The following COG5 variants were observed in gnomAD, a reference collection of about 807,000 sequenced individuals.
COG5 encodes component of oligomeric golgi complex 5.
COG5 carries 86 observed loss-of-function variants against 110.4 expected under a neutral mutation model. The ratio of observed to expected loss-of-function variants is 0.78; its 90% CI spans 0.65 to 0.93. The LOEUF (loss-of-function observed/expected upper bound fraction) is 0.93. Among genes scored for constraint, COG5 ranks in the 40% least tolerant of loss-of-function variants. The pLI is 0.00. For synonymous variants in COG5, 360 were observed against 334.6 expected (o/e 1.08, Z -0.83); for missense variants, 1,077 against 987.0 (o/e 1.09, Z -1.22).
chr7:107,329,755 G>A (rs1199155768), intron 10 of COG5, among the ~76,000 whole-genome samples: 4 of 152,030 alleles, frequency 2.6e-5, no homozygotes, highest in African/African-American at 9.7e-5. Context: ...AATTAGCTGA[G>A]TGTGGGAGCA....
At chr7:107,411,192 G>A (rs1792266517) in intron 7 of COG5, among the ~76,000 whole-genome samples, 1 of 152,166 alleles carries the variant, frequency 6.6e-6, no homozygotes, top group South Asian at 2.1e-4. Context: ...AGGATGGAGG[G>A]CTACAGAGTC....
At chr7:107,413,093 T>C (rs76549108) in intron 6 of COG5, among the ~76,000 whole-genome samples, 1 of 151,934 alleles carries the variant, frequency 6.6e-6, no homozygotes, top group African/African-American at 2.4e-5. Context: ...TATAGTTCAC[T>C]ATAGTCTCGA....
chr7:107,326,769 TA>T (rs1437683541), intron 10 of COG5, among the ~76,000 whole-genome samples: 3 of 151,964 alleles, frequency 2.0e-5, no homozygotes, highest in African/African-American at 7.3e-5. Context: ...TTTGCAGAAA[TA>T]AAAAAATACT....
chr7:107,510,663 G>T (rs1799431236), intron 6 of COG5, among the ~76,000 whole-genome samples: 1 of 152,114 alleles, frequency 6.6e-6, no homozygotes, highest in African/African-American at 2.4e-5. Context: ...GCACTCCTCA[G>T]CAAATGTAAA....
chr7:107,420,855 A>T (rs1011652112), intron 6 of COG5, among the ~76,000 whole-genome samples: 13 of 152,212 alleles, frequency 8.5e-5, no homozygotes, highest in African/African-American at 1.4e-4. Flanking sequence ...CTTTAGCTGA[A>T]TCTTTATATT....
chr7:107,551,845 G>C (rs1584959090), intron 3 of COG5, among the ~76,000 whole-genome samples: 1 of 152,126 alleles, frequency 6.6e-6, no homozygotes, highest in Non-Finnish European at 1.5e-5. Context: ...TTGAACTCTG[G>C]GATCAAGTGA....
At chr7:107,500,185 C>A (rs1250137401) in intron 6 of COG5, among the ~76,000 whole-genome samples, 1 of 152,066 alleles carries the variant, frequency 6.6e-6, no homozygotes, top group Admixed American at 6.6e-5. Context: ...TAAGAGTTGG[C>A]ATCCTGTCTT....
chr7:107,277,102 A>G (rs1053070101), intron 14 of COG5, among the ~76,000 whole-genome samples: 2 of 152,234 alleles, frequency 1.3e-5, no homozygotes, highest in African/African-American at 4.8e-5. Flanking sequence ...AGTAAAATAA[A>G]CTATTCTACA....
intron 5 of COG5, among the ~76,000 whole-genome samples, chr7:107,545,787 A>C (rs1802377532): frequency 2.0e-5 from 3 of 150,782 alleles, no homozygotes; most frequent in African/African-American, 7.3e-5. Flanking sequence ...CTCAAAAAAA[A>C]AAAAAAAAAA....
chr7:107,474,041 A>T lies in COG5; in HGVS notation c.538+53196T>A, dbSNP rs1796818782. 7.1e-7 allele frequency: 1 copy of T among 1,405,904 alleles called. No homozygotes were observed. The highest frequency in any genetic ancestry group is 9.7e-7 in the Non-Finnish European group (1 of 1,026,314). 87.1% of individuals were successfully genotyped at this position (1,405,904 alleles called of 1,614,324 possible). A position where few individuals can be genotyped will look rare whatever the true frequency, so the allele number is the denominator to read the frequency against. On this transcript the variant is annotated intron_variant, in intron 6 of 21. Coordinates refer to ENST00000297135, the MANE Select transcript of COG5 (RefSeq NM_006348.5). This position sits in a 1 kb window ranked among gnomAD's most constrained non-coding sequence, Gnocchi z 5.7. ...ATTCTATTTCACTTTCTAGGGAAAA[A>T]AACCAACTGCTCCAAAAGAATGTGT...
intron 21 of COG5, among the ~76,000 whole-genome samples, chr7:107,205,680 C>T (rs958056080): frequency 6.6e-6 from 1 of 152,188 alleles, no homozygotes; most frequent in Non-Finnish European, 1.5e-5. Flanking sequence ...TCCTTGCTTA[C>T]TTTCTTGCGC....
chr7:107,211,020 T>G, intron 20 of COG5, 79 bp downstream of exon 20: 1 of 1,511,758 alleles, frequency 6.6e-7, no homozygotes, highest in East Asian at 2.3e-5. Context: ...CCAGGAATCA[T>G]TCAGTGAGTA....
chr7:107,491,256 T>C (rs1409157143), intron 6 of COG5, among the ~76,000 whole-genome samples: 1 of 152,056 alleles, frequency 6.6e-6, no homozygotes, highest in Non-Finnish European at 1.5e-5. Flanking sequence ...CAAGCAGAGA[T>C]TACTTTGCTT....
Position 107,354,573 on chromosome 7 carries a change from AGCTGAG to A in COG5, c.1026+7454_1026+7459del, listed in dbSNP as rs1445334986. ...TGCATGTAATCCCAGCTATTCAGGA[AGCTGAG>A]GCAGGAGAATCGCTTGAACCTAGGA... On this transcript the variant is annotated intron_variant, in intron 10 of 21. Transcript: ENST00000297135. Among the ~76,000 whole-genome samples the A allele has an allele frequency of 9.6e-4, 146 of 152,194 alleles. 3 individuals carry two copies. Among genetic ancestry groups the A allele is most frequent in the Non-Finnish European group, 1.9e-4 (13 of 67,986 alleles).
chr7:107,418,645 A>G (rs1053774801), intron 6 of COG5, among the ~76,000 whole-genome samples: 3 of 150,130 alleles, frequency 2.0e-5, no homozygotes, highest in African/African-American at 7.3e-5. Context: ...CATTAAAGAA[A>G]CCTTAGAGAA....
intron 6 of COG5, among the ~76,000 whole-genome samples, chr7:107,517,876 T>C (rs938301373): frequency 4.6e-5 from 7 of 152,028 alleles, no homozygotes; most frequent in Admixed American, 4.6e-4. Flanking sequence ...TTTTCTATTT[T>C]CAGTAGAGAA....
At chr7:107,249,690 T>TTGTGTCTGTGTGTGTGTGTG (rs1247487439) in intron 16 of COG5, among the ~76,000 whole-genome samples, 1 of 131,658 alleles carries the variant, frequency 7.6e-6, no homozygotes, top group Non-Finnish European at 1.7e-5. Flanking sequence ...ACGTACAGGA[T>TTGTGTCTGTGTGTGTGTGTG]TGTGTGTGTG....
chr7:107,415,818 A>G (rs536526900), intron 6 of COG5, among the ~76,000 whole-genome samples: 1 of 102,984 alleles, frequency 9.7e-6, no homozygotes, highest in African/African-American at 3.1e-5. Context: ...ATATACACAC[A>G]TACACGTATG....
chr7:107,527,389 ATCC>A, intron 5 of COG5, 32 bp from the exon 6 acceptor site: 2 of 1,610,610 alleles, frequency 1.2e-6, no homozygotes. Flanking sequence ...AAGTTAGTTG[ATCC>A]ATGAAGTTTT....
Sources: allele counts gnomAD v4.1 joint callset (sites outside exome capture counted in the v4.1 genomes callset), GRCh38; gene constraint gnomAD v4.1.1; non-coding constraint Gnocchi (gnomAD v3.1); transcripts MANE v1.5; gene names NCBI Gene and HGNC (gene_info 2026-07-23, HGNC 2026-07-21).